PAFAH1B1: variants seen among roughly 807,000 people sequenced by gnomAD.
PAFAH1B1 encodes the protein platelet activating factor acetylhydrolase 1b regulatory subunit 1, also known as platelet-activating factor acetylhydrolase IB subunit beta.
A neutral mutation model predicts 57.5 loss-of-function variants in PAFAH1B1; 2 were observed. That is an observed-to-expected ratio of 0.03 (90% confidence interval 0.01 to 0.11). The LOEUF is 0.11. Among genes scored for constraint, PAFAH1B1 ranks in the 10% least tolerant of loss-of-function variants. PAFAH1B1 has a pLI of 1.00. For synonymous variants in PAFAH1B1, 152 were observed against 169.6 expected, an observed-to-expected ratio of 0.90 and a Z score of 0.81; for missense variants, 257 against 512.0, an observed-to-expected ratio of 0.50 and a Z score of 4.81.
intron 2 of PAFAH1B1, among the ~76,000 whole-genome samples, chr17:2,651,413 CAAAA>C (rs1157501996): frequency 9.4e-5 from 5 of 53,350 alleles, no homozygotes; most frequent in Non-Finnish European, 2.1e-4. Context: ...CCCGTCTCTA[CAAAA>C]AAAAAAAAAA....
At chr17:2,642,983 C>T (rs2068716947) in intron 2 of PAFAH1B1, among the ~76,000 whole-genome samples, 1 of 152,162 alleles carries the variant, frequency 6.6e-6, no homozygotes, top group South Asian at 2.1e-4. Context: ...CCTTTCATCC[C>T]TTGAGGGAAC....
intron 2 of PAFAH1B1, among the ~76,000 whole-genome samples, chr17:2,651,117 G>A (rs549433446): frequency 1.6e-4 from 25 of 152,220 alleles, no homozygotes; most frequent in South Asian, 4.1e-4. Context: ...GAAAGGGATC[G>A]AAGTGCTTTT....
At chr17:2,623,700 T>C (rs1298607930) in intron 1 of PAFAH1B1, among the ~76,000 whole-genome samples, 1 of 150,354 alleles carries the variant, frequency 6.7e-6, no homozygotes, top group Non-Finnish European at 1.5e-5. Context: ...CGATCTCTGC[T>C]CACTGAAACC....
chr17:2,664,040 A>G (rs1232144659), intron 2 of PAFAH1B1, among the ~76,000 whole-genome samples: 2 of 152,090 alleles, frequency 1.3e-5, no homozygotes, highest in African/African-American at 4.8e-5. Flanking sequence ...TCGGCCTCCC[A>G]AAGTGCTGGG....
chr17:2,673,467 G>A (rs565667523), intron 7 of PAFAH1B1, among the ~76,000 whole-genome samples: 41 of 151,814 alleles, frequency 2.7e-4, no homozygotes, highest in Admixed American at 1.2e-3. Flanking sequence ...ATGAAACCCC[G>A]TCTCTACTAA....
chr17:2,614,321 T>C (rs2068310553), intron 1 of PAFAH1B1, among the ~76,000 whole-genome samples: 1 of 152,130 alleles, frequency 6.6e-6, no homozygotes, highest in Non-Finnish European at 1.5e-5. Context: ...GGCACTTACC[T>C]AGCCAGTATA....
In PAFAH1B1 at chr17:2,638,336, T is replaced by C; in HGVS notation, c.32+16T>C. ...GAGATGAACTGTAAGTTTCTTTGTT[T>C]TGTGCTTTAAAAAAAATCTCCCTCA... On this transcript the variant is annotated intron_variant, in intron 2 of 10. Coordinates refer to ENST00000397195, the MANE Select transcript of PAFAH1B1 (RefSeq NM_000430.4). The C allele has an allele frequency of 6.2e-7, 1 of 1,611,052 alleles. No individual in the cohort carries two copies. Among genetic ancestry groups the C allele is most frequent in the Non-Finnish European group, 8.5e-7 (1 of 1,177,692 alleles).
chr17:2,639,602 T>A (rs749704237), intron 2 of PAFAH1B1: 2 of 149,816 alleles, frequency 1.3e-5, no homozygotes, highest in Non-Finnish European at 2.9e-5. Context: ...ATGTTCTACT[T>A]CTTTTTTTTT....
rs759974572 is a variant in PAFAH1B1, at chr17:2,681,860, A to G, written c.*58A>G. On this transcript the variant is annotated 3_prime_UTR_variant, in exon 11 of 11. Coordinates refer to ENST00000397195, the MANE Select transcript of PAFAH1B1 (RefSeq NM_000430.4). ...CCTCTGGATGCACTCTGATGATACCATGGTTACCCCATTGAGCTCTGTTTA... is the reference window on the plus strand; with the variant it reads ...CCTCTGGATGCACTCTGATGATACCGTGGTTACCCCATTGAGCTCTGTTTA... 12 of 1,220,860 alleles carry G rather than the reference A, an allele frequency of 9.8e-6. No individual in the cohort carries two copies. The highest frequency in any genetic ancestry group is 7.4e-5 in the South Asian group (6 of 80,572). 75.6% of individuals were successfully genotyped at this position (1,220,860 alleles called of 1,614,324 possible).
intron 5 of PAFAH1B1, among the ~76,000 whole-genome samples, chr17:2,668,905 G>A (rs1274239375): frequency 6.6e-6 from 1 of 151,914 alleles, no homozygotes; most frequent in Non-Finnish European, 1.5e-5. Context: ...GAACCCGGGA[G>A]GCGGAGCTTG....
At chr17:2,671,979 A>G (rs995863677) in intron 6 of PAFAH1B1, among the ~76,000 whole-genome samples, 12 of 152,016 alleles carry the variant, frequency 7.9e-5, no homozygotes, top group African/African-American at 2.7e-4. Flanking sequence ...TAGAATATCA[A>G]CCTAGAAGCT....
At position 2,593,934 on chromosome 17, in the gene PAFAH1B1, C is replaced by T; in HGVS notation, c.-263C>T. On this transcript the variant is annotated 5_prime_UTR_variant, in exon 1 of 11. Coordinates refer to ENST00000397195, the MANE Select transcript of PAFAH1B1 (RefSeq NM_000430.4). ...TCCCTCCTTCCTCCCTCCCCTCTCC[C>T]TCCCCCTCCCCCGCCGGTGGATGGG... is the stretch of plus-strand genomic sequence containing the variant. 1 of 393,244 alleles carries T rather than the reference C, an allele frequency of 2.5e-6. No individual in the cohort carries two copies. The highest frequency in any genetic ancestry group is 3.6e-5 in the East Asian group (1 of 27,726). The allele number at this position is 393,244 out of a possible 1,614,324, so 24.4% of individuals were successfully genotyped here.
intron 2 of PAFAH1B1, among the ~76,000 whole-genome samples, chr17:2,649,773 AAAAT>A (rs1385180271): frequency 2.0e-5 from 3 of 152,212 alleles, no homozygotes; most frequent in East Asian, 1.9e-4. Context: ...TTGGAAGAGA[AAAAT>A]AAATAAAATA....
At chr17:2,606,775 A>G (rs2068208301) in intron 1 of PAFAH1B1, among the ~76,000 whole-genome samples, 1 of 149,142 alleles carries the variant, frequency 6.7e-6, no homozygotes, top group African/African-American at 2.5e-5. Flanking sequence ...ACCAGAATTG[A>G]CAGATGTTAA....
chr17:2,615,512 C>G (rs944476464), intron 1 of PAFAH1B1, among the ~76,000 whole-genome samples: 2 of 152,182 alleles, frequency 1.3e-5, no homozygotes, highest in African/African-American at 4.8e-5. Flanking sequence ...ACAATCTTGG[C>G]TCACTGCAAC....
chr17:2,617,886 T>C (rs2068367127), intron 1 of PAFAH1B1, among the ~76,000 whole-genome samples: 1 of 151,334 alleles, frequency 6.6e-6, no homozygotes, highest in African/African-American at 2.4e-5. Context: ...ATTGCGCCAT[T>C]GCACTCCAGC....
chr17:2,633,651 T>C (rs1446754905), intron 1 of PAFAH1B1, among the ~76,000 whole-genome samples: 1 of 152,182 alleles, frequency 6.6e-6, no homozygotes, highest in Non-Finnish European at 1.5e-5. Context: ...ATTTCTGCCA[T>C]GTGAAACCAT....
At chr17:2,652,174 G>A (rs1459401317) in intron 2 of PAFAH1B1, among the ~76,000 whole-genome samples, 1 of 152,178 alleles carries the variant, frequency 6.6e-6, no homozygotes, top group African/African-American at 2.4e-5. Context: ...ACTTTGGGAG[G>A]CCAAGGCGGG....
chr17:2,643,086 T>G lies in PAFAH1B1; in HGVS notation c.32+4766T>G, dbSNP rs1482855842. On this transcript the variant is annotated intron_variant, in intron 2 of 10. Coordinates refer to ENST00000397195, the MANE Select transcript of PAFAH1B1 (RefSeq NM_000430.4). Reference sequence around the variant, plus strand: ...AAAGTAGCATACTGTATATGTTCTTTGTTTGTTTTTTTGTTTTGGAGACAA... The same window carrying G: ...AAAGTAGCATACTGTATATGTTCTTGGTTTGTTTTTTTGTTTTGGAGACAA... 8.6e-5 allele frequency among the ~76,000 whole-genome samples: 13 copies of G among 151,714 alleles called. No individual in the cohort carries two copies. In the Admixed American group the frequency reaches 8.6e-4, roughly 10 times the overall value.
Sources: gnomAD v4.1 joint callset for allele counts (sites outside exome capture counted in the v4.1 genomes callset) on GRCh38, gnomAD v4.1.1 for gene constraint, MANE v1.5 for transcripts, NCBI Gene and HGNC (gene_info 2026-07-23, HGNC 2026-07-21) for gene names.